CACNA2D1: variants seen among roughly 807,000 people sequenced by gnomAD.
CACNA2D1 encodes the protein voltage-dependent calcium channel subunit alpha-2/delta-1.
Under a neutral mutation model 171.5 loss-of-function variants are expected in CACNA2D1, and 53 were observed. The ratio of observed to expected loss-of-function variants is 0.31; its 90% CI spans 0.25 to 0.39. The LOEUF is 0.39. Among genes scored for constraint, CACNA2D1 ranks in the 10% least tolerant of loss-of-function variants. CACNA2D1 has a pLI of 1.00. For missense variants in CACNA2D1, 903 were observed against 1,299.8 expected, an observed-to-expected ratio of 0.69 and a Z score of 4.69; for synonymous variants, 442 against 443.1, an observed-to-expected ratio of 1.00 and a Z score of 0.03.
At chr7:82,233,542 C>G (rs542379314) in intron 3 of CACNA2D1, among the ~76,000 whole-genome samples, 1 of 152,166 alleles carries the variant, frequency 6.6e-6, no homozygotes, top group East Asian at 1.9e-4. Flanking sequence ...CTACCTCTTC[C>G]ATTTCTTCCC....
intron 4 of CACNA2D1, among the ~76,000 whole-genome samples, chr7:82,158,097 T>G (rs1794555172): frequency 6.6e-6 from 1 of 151,996 alleles, no homozygotes; most frequent in African/African-American, 2.4e-5. Context: ...ATATCTATTT[T>G]GATAAACTGG....
chr7:82,436,405 A>T (rs895047252), intron 1 of CACNA2D1, among the ~76,000 whole-genome samples: 9 of 152,180 alleles, frequency 5.9e-5, no homozygotes, highest in African/African-American at 2.2e-4. Context: ...ATGTTATACT[A>T]GTGTTTCTTA....
chr7:82,012,246 GT>G lies in CACNA2D1; in HGVS notation c.1273-4del. 6.8e-7 allele frequency: 1 copy of G among 1,478,352 alleles called. No individual in the cohort carries two copies. The highest frequency in any genetic ancestry group is 9.3e-7 in the Non-Finnish European group (1 of 1,078,988). 91.6% of individuals were successfully genotyped at this position (1,478,352 alleles called of 1,614,324 possible). A position where few individuals can be genotyped will look rare whatever the true frequency, so the allele number is the denominator to read the frequency against. ...CTTCCCAAAACATCCAAATATTCCTGTTTATGGGAAAAAAAAAAAAAGTCGT... is the reference window on the plus strand; with the variant it reads ...CTTCCCAAAACATCCAAATATTCCTGTTATGGGAAAAAAAAAAAAAGTCGT... On this transcript the variant is annotated splice_region_variant and splice_polypyrimidine_tract_variant and intron_variant, in intron 14 of 38. Coordinates refer to ENST00000356860, the MANE Select transcript of CACNA2D1 (RefSeq NM_000722.4).
At chr7:82,007,602 A>G in intron 16 of CACNA2D1, 77 bp downstream of exon 16, 1 of 827,934 alleles carries the variant, frequency 1.2e-6, no homozygotes. Context: ...TTTCTTATGG[A>G]AATATCTTAT....
intron 3 of CACNA2D1, among the ~76,000 whole-genome samples, chr7:82,309,048 T>C (rs932084599): frequency 5.9e-5 from 9 of 152,190 alleles, no homozygotes; most frequent in Admixed American, 1.3e-4. Context: ...TCTATATCTG[T>C]TATGTATATG....
chr7:81,975,234 G>T (rs952514795), intron 24 of CACNA2D1, among the ~76,000 whole-genome samples: 1 of 152,084 alleles, frequency 6.6e-6, no homozygotes, highest in African/African-American at 2.4e-5. Flanking sequence ...GCAACTGCAT[G>T]TGAATCTATG....
At chr7:82,102,486 A>ATACACACACACACG (rs1812794531) in intron 6 of CACNA2D1, among the ~76,000 whole-genome samples, 1 of 150,832 alleles carries the variant, frequency 6.6e-6, no homozygotes, top group Admixed American at 6.6e-5. Context: ...ACATATATAT[A>ATACACACACACACG]CACACACACA....
chr7:82,013,885 T>C (rs1484219856), intron 13 of CACNA2D1, among the ~76,000 whole-genome samples: 1 of 151,988 alleles, frequency 6.6e-6, no homozygotes, highest in Non-Finnish European at 1.5e-5. Flanking sequence ...ATTTAAGTTC[T>C]TTTTGTTGCC....
intron 3 of CACNA2D1, among the ~76,000 whole-genome samples, chr7:82,172,874 A>G (rs890438252): frequency 2.6e-5 from 4 of 151,950 alleles, no homozygotes; most frequent in Non-Finnish European, 2.9e-5. Flanking sequence ...AAAATTCTGA[A>G]TAAAATACTA....
At chr7:82,113,087 T>C (rs984206909) in intron 6 of CACNA2D1, among the ~76,000 whole-genome samples, 5 of 152,144 alleles carry the variant, frequency 3.3e-5, no homozygotes, top group Non-Finnish European at 7.4e-5. Flanking sequence ...TTGCCTTACT[T>C]AAATTATAGG....
At chr7:82,319,040 T>A (rs1174031266) in intron 3 of CACNA2D1, among the ~76,000 whole-genome samples, 2 of 152,160 alleles carry the variant, frequency 1.3e-5, no homozygotes, top group East Asian at 3.9e-4. Context: ...TGGATCTGGA[T>A]ACAAATACAT....
chr7:82,030,286 A>G (rs2131126634), intron 12 of CACNA2D1, among the ~76,000 whole-genome samples: 1 of 151,876 alleles, frequency 6.6e-6, no homozygotes, highest in East Asian at 1.9e-4. Context: ...TGGATGGAAT[A>G]CATTTACTTT....
chr7:82,038,011 GA>G (rs1220787787), intron 11 of CACNA2D1, 65 bp downstream of exon 11: 1 of 1,480,012 alleles, frequency 6.8e-7, no homozygotes, highest in Non-Finnish European at 9.4e-7. Context: ...GTAACTATCA[GA>G]ATATTGAAAT....
intron 29 of CACNA2D1, among the ~76,000 whole-genome samples, chr7:81,967,984 G>C (rs1794888503): frequency 6.6e-6 from 1 of 151,516 alleles, no homozygotes; most frequent in South Asian, 2.1e-4. Flanking sequence ...AACCCCACCA[G>C]TGCTTGCAGT....
intron 1 of CACNA2D1, among the ~76,000 whole-genome samples, chr7:82,365,237 T>C (rs1271940957): frequency 6.6e-6 from 1 of 152,126 alleles, no homozygotes; most frequent in African/African-American, 2.4e-5. Context: ...TTAAAAAAAA[T>C]TGGCCTTCCA....
chr7:82,096,998 C>A (rs1811961689), intron 6 of CACNA2D1, among the ~76,000 whole-genome samples: 1 of 151,994 alleles, frequency 6.6e-6, no homozygotes, highest in African/African-American at 2.4e-5. Flanking sequence ...CTATCAGAAA[C>A]TAAGCAAAGG....
At chr7:82,152,133 A>C (rs1031439857) in intron 4 of CACNA2D1, among the ~76,000 whole-genome samples, 1 of 151,966 alleles carries the variant, frequency 6.6e-6, no homozygotes, top group East Asian at 1.9e-4. Flanking sequence ...TAATCCTAAA[A>C]ATGATTAATC....
chr7:82,022,916 T>C (rs1801414648), intron 12 of CACNA2D1, among the ~76,000 whole-genome samples: 1 of 151,956 alleles, frequency 6.6e-6, no homozygotes, highest in Admixed American at 6.6e-5. Flanking sequence ...AATTTACTAG[T>C]TATTTTGAAA....
intron 3 of CACNA2D1, among the ~76,000 whole-genome samples, chr7:82,331,209 A>G (rs1229131838): frequency 5.3e-5 from 8 of 152,138 alleles, no homozygotes; most frequent in African/African-American, 1.9e-4. Flanking sequence ...ATAATTAGAT[A>G]ATGCTACTTA....
Sources: allele counts gnomAD v4.1 joint callset (sites outside exome capture counted in the v4.1 genomes callset), GRCh38; gene constraint gnomAD v4.1.1; transcripts MANE v1.5; gene names NCBI Gene and HGNC (gene_info 2026-07-23, HGNC 2026-07-21).